Variants in TCF4 observed in about 807,000 individuals in gnomAD.
TCF4 encodes SL3-3 enhancer factor 2.
In TCF4, 3 loss-of-function variants were observed where a neutral mutation model predicts 82.1. That is an observed-to-expected ratio of 0.04 (90% CI 0.02 to 0.09). The LOEUF is 0.09. Among genes scored for constraint, TCF4 ranks in the 10% least tolerant of loss-of-function variants. The pLI is 1.00. For missense variants in TCF4, 518 were observed against 852.7 expected (o/e 0.61, Z 4.89); for synonymous variants, 276 against 309.6 (o/e 0.89, Z 1.14).
intron 8 of TCF4, among the ~76,000 whole-genome samples, chr18:55,328,211 T>C (rs2076909177): frequency 6.6e-6 from 1 of 152,152 alleles, no homozygotes; most frequent in Non-Finnish European, 1.5e-5. Flanking sequence ...GCAAAAGTCA[T>C]AAATTTACTA....
At chr18:55,244,051 T>TA (rs1313527855) in intron 15 of TCF4, among the ~76,000 whole-genome samples, 170 of 151,378 alleles carry the variant, frequency 1.1e-3, no homozygotes, top group African/African-American at 3.8e-3. Flanking sequence ...TTCTAGTTCT[T>TA]AAAAAAAAAG....
At chr18:55,426,526 C>T (rs896283682) in intron 5 of TCF4, among the ~76,000 whole-genome samples, 4 of 152,122 alleles carry the variant, frequency 2.6e-5, no homozygotes, top group African/African-American at 9.7e-5. Context: ...ATTCCTGGTA[C>T]CTCATTTCAT....
intron 5 of TCF4, among the ~76,000 whole-genome samples, chr18:55,405,442 G>A (rs890831160): frequency 2.0e-5 from 3 of 152,032 alleles, no homozygotes; most frequent in East Asian, 3.9e-4. Context: ...GTCCTGTTTT[G>A]GTAATTTCTA....
intron 2 of TCF4, among the ~76,000 whole-genome samples, chr18:55,612,848 C>T (rs772926002): frequency 2.0e-5 from 3 of 151,772 alleles, no homozygotes; most frequent in African/African-American, 2.4e-5. Context: ...CTAGGGAGGC[C>T]GAGGCACGAG....
chr18:55,283,204 T>G (rs1054588763), intron 8 of TCF4, among the ~76,000 whole-genome samples: 9 of 151,936 alleles, frequency 5.9e-5, no homozygotes, highest in Admixed American at 2.0e-4. Context: ...TTTTTTTTTT[T>G]GGTAATCCAA....
In TCF4 at chr18:55,275,553, A is replaced by G. The variant is rs1354258363; in HGVS notation, c.789+66T>C. ...GCAGAGTCCTTGTGTATATGCATGG[A>G]AAGACAGAGGACGAGGTTTAATCAA... is the stretch of plus-strand genomic sequence containing the variant. On this transcript the variant is annotated intron_variant, in intron 10 of 19. Transcript: ENST00000354452. 13 of 1,609,446 alleles carry G rather than the reference A, an allele frequency of 8.1e-6. No homozygotes were observed. The Admixed American group carries it at 1.5e-4, about 19-fold the overall frequency.
chr18:55,314,315 CA>C (rs2073465459), intron 8 of TCF4, among the ~76,000 whole-genome samples: 1 of 152,064 alleles, frequency 6.6e-6, no homozygotes, highest in Non-Finnish European at 1.5e-5. Flanking sequence ...GCTGGCCAAT[CA>C]ACTTTTTCCT....
At chr18:55,240,658 C>A (rs1426697979) in intron 15 of TCF4, among the ~76,000 whole-genome samples, 4 of 152,184 alleles carry the variant, frequency 2.6e-5, no homozygotes, top group African/African-American at 4.8e-5. Context: ...AGAGGCTCTG[C>A]AGAAAACAAG....
chr18:55,233,816 C>CAAA (rs34564671), intron 16 of TCF4, among the ~76,000 whole-genome samples: 45 of 62,968 alleles, frequency 7.1e-4, no homozygotes, highest in African/African-American at 1.9e-3. Flanking sequence ...GAGGCTCTGT[C>CAAA]AAAAAAAAAA....
At chr18:55,503,711 C>A (rs765296052) in intron 3 of TCF4, among the ~76,000 whole-genome samples, 2 of 152,170 alleles carry the variant, frequency 1.3e-5, no homozygotes, top group Non-Finnish European at 1.5e-5. Flanking sequence ...TTTCTTTAGG[C>A]AATATGGCCC....
At chr18:55,577,606 A>T (rs1402519687) in intron 3 of TCF4, among the ~76,000 whole-genome samples, 1 of 152,084 alleles carries the variant, frequency 6.6e-6, no homozygotes, top group Admixed American at 6.6e-5. Flanking sequence ...ACCTGCATAG[A>T]TGCTAGGTCT....
At chr18:55,455,195 A>G (rs1370747583) in intron 5 of TCF4, among the ~76,000 whole-genome samples, 4 of 150,002 alleles carry the variant, frequency 2.7e-5, no homozygotes, top group East Asian at 1.9e-4. Flanking sequence ...AAAAAAAAAA[A>G]AAAAAAAAGA....
At chr18:55,254,918 C>T (rs1362899767) in intron 14 of TCF4, among the ~76,000 whole-genome samples, 1 of 152,090 alleles carries the variant, frequency 6.6e-6, no homozygotes, top group Non-Finnish European at 1.5e-5. Context: ...CATGAACAAA[C>T]TAAATTCAAT....
intron 8 of TCF4, among the ~76,000 whole-genome samples, chr18:55,296,693 TA>T (rs2066592370): frequency 6.6e-6 from 1 of 152,182 alleles, no homozygotes; most frequent in Admixed American, 6.5e-5. Context: ...TAAGGTGAAA[TA>T]ATCTGTGGTG....
chr18:55,241,395 G>A (rs2051177468), intron 15 of TCF4, among the ~76,000 whole-genome samples: 1 of 152,216 alleles, frequency 6.6e-6, no homozygotes, highest in Non-Finnish European at 1.5e-5. Context: ...CACATAGCAG[G>A]CTAGTAAGTA....
chr18:55,613,652 A>G (rs1185020970), intron 2 of TCF4, among the ~76,000 whole-genome samples: 1 of 152,158 alleles, frequency 6.6e-6, no homozygotes. Context: ...CCTTCTTCAC[A>G]TGGTCAGCAG....
At chr18:55,494,313 T>G (rs1210470644) in intron 3 of TCF4, among the ~76,000 whole-genome samples, 3 of 141,880 alleles carry the variant, frequency 2.1e-5, no homozygotes, top group South Asian at 2.2e-4. Context: ...AAAAAAGAAA[T>G]GAAAAACTGT....
intron 8 of TCF4, among the ~76,000 whole-genome samples, chr18:55,312,046 C>T (rs964257201): frequency 2.0e-5 from 3 of 152,150 alleles, no homozygotes; most frequent in African/African-American, 7.2e-5. Flanking sequence ...ATCTACATAG[C>T]TCCCTATTGG....
At chr18:55,236,417 T>C (rs570176123) in intron 15 of TCF4, among the ~76,000 whole-genome samples, 16 of 152,238 alleles carry the variant, frequency 1.1e-4, no homozygotes, top group Admixed American at 3.3e-4. Flanking sequence ...CTGATTCTAG[T>C]TTCAGCTTCT....
Sources: gnomAD v4.1 joint callset for allele counts (sites outside exome capture counted in the v4.1 genomes callset) on GRCh38, gnomAD v4.1.1 for gene constraint, MANE v1.5 for transcripts, NCBI Gene and HGNC (gene_info 2026-07-23, HGNC 2026-07-21) for gene names.